Variants in NTM observed in about 807,000 individuals in gnomAD.
NTM encodes the protein neurotrimin.
In NTM, 13 loss-of-function variants were observed where a neutral mutation model predicts 42.1. The ratio of observed to expected loss-of-function variants is 0.31; its 90% CI spans 0.20 to 0.49. The LOEUF (loss-of-function observed/expected upper bound fraction) is 0.49. Ranked by LOEUF, NTM falls within the 20% of genes least tolerant of loss-of-function variation. The probability of loss-of-function intolerance (pLI) is 0.99; values close to 1 mark genes in which losing one functional copy is unlikely to be tolerated. For synonymous variants in NTM, 187 were observed against 179.2 expected, an observed-to-expected ratio of 1.04 and a Z score of -0.35; for missense variants, 373 against 452.8, an observed-to-expected ratio of 0.82 and a Z score of 1.60.
intron 1 of NTM, among the ~76,000 whole-genome samples, chr11:131,787,753 G>A (rs914691446): frequency 1.3e-5 from 2 of 152,108 alleles, no homozygotes; most frequent in Admixed American, 1.3e-4. Context: ...AAATATTATA[G>A]GAATTTAAAG....
At chr11:132,279,838 G>C (rs1046912058) in intron 4 of NTM, among the ~76,000 whole-genome samples, 6 of 152,208 alleles carry the variant, frequency 3.9e-5, no homozygotes, top group Admixed American at 2.6e-4. Context: ...TCCATATAAA[G>C]ATTCACATCG....
intron 4 of NTM, among the ~76,000 whole-genome samples, chr11:132,227,098 C>T (rs886291625): frequency 5.3e-5 from 8 of 152,254 alleles, no homozygotes; most frequent in Admixed American, 4.6e-4. Context: ...CCACATGCAG[C>T]GTGAAGGCAG....
intron 3 of NTM, among the ~76,000 whole-genome samples, chr11:132,169,631 G>T (rs1736430045): frequency 6.6e-6 from 1 of 151,970 alleles, no homozygotes; most frequent in South Asian, 2.1e-4. Flanking sequence ...ACTGTGCCGG[G>T]CCAATTTTTT....
intron 2 of NTM, among the ~76,000 whole-genome samples, chr11:131,997,304 G>T (rs2068240051): frequency 6.6e-6 from 1 of 152,162 alleles, no homozygotes; most frequent in Non-Finnish European, 1.5e-5. Flanking sequence ...GCTAGGAATG[G>T]CCATACTGCA....
intron 1 of NTM, among the ~76,000 whole-genome samples, chr11:131,642,415 A>G (rs1213099169): frequency 6.6e-6 from 1 of 152,226 alleles, no homozygotes; most frequent in Non-Finnish European, 1.5e-5. Flanking sequence ...AACAGATGAA[A>G]CAATATAAAA....
At chr11:131,549,985 G>A (rs1162617591) in intron 1 of NTM, among the ~76,000 whole-genome samples, 3 of 152,140 alleles carry the variant, frequency 2.0e-5, no homozygotes, top group Non-Finnish European at 2.9e-5. Flanking sequence ...CCTGCAGGGC[G>A]GACTCAGGCA....
intron 2 of NTM, among the ~76,000 whole-genome samples, chr11:132,083,410 T>G (rs765674612): frequency 6.6e-6 from 1 of 152,252 alleles, no homozygotes; most frequent in Non-Finnish European, 1.5e-5. Context: ...TTACATAGGC[T>G]TTTAAAATTG....
chr11:131,997,254 C>T (rs954805373), intron 2 of NTM, among the ~76,000 whole-genome samples: 10 of 152,208 alleles, frequency 6.6e-5, no homozygotes, highest in African/African-American at 2.2e-4. Context: ...CCCAGCCTCT[C>T]GCCCTGCCTG....
intron 2 of NTM, among the ~76,000 whole-genome samples, chr11:131,975,469 C>T (rs1435553102): frequency 1.3e-5 from 2 of 152,222 alleles, no homozygotes; most frequent in South Asian, 2.1e-4. Flanking sequence ...TGAGCCACTG[C>T]GCCTGGCCGA....
intron 6 of NTM, among the ~76,000 whole-genome samples, chr11:132,313,985 T>C (rs2095354284): frequency 6.6e-6 from 1 of 152,130 alleles, no homozygotes; most frequent in Admixed American, 6.5e-5. Flanking sequence ...ATGAGAAAAA[T>C]GAGAAAATGA....
intron 4 of NTM, among the ~76,000 whole-genome samples, chr11:132,228,881 G>A (rs2086868882): frequency 6.6e-6 from 1 of 152,140 alleles, no homozygotes; most frequent in Non-Finnish European, 1.5e-5. Context: ...ATGGTTATCA[G>A]GACCTCTTGA....
chr11:132,329,806 T>G (rs2095762508), intron 7 of NTM, among the ~76,000 whole-genome samples: 1 of 152,200 alleles, frequency 6.6e-6, no homozygotes, highest in African/African-American at 2.4e-5. Flanking sequence ...CAAAGCCTAT[T>G]TGGTTTGGTG....
At chr11:132,124,384 C>T (rs1253466461) in intron 2 of NTM, among the ~76,000 whole-genome samples, 1 of 152,208 alleles carries the variant, frequency 6.6e-6, no homozygotes, top group African/African-American at 2.4e-5. Flanking sequence ...ACACAGGTCC[C>T]AGCACAGTGC....
intron 1 of NTM, chr11:131,777,209 A>T (rs1241620898): frequency 4.0e-6 from 1 of 249,410 alleles, no homozygotes; most frequent in Admixed American, 6.5e-5. Flanking sequence ...CCTGAGCTAG[A>T]CACCTTGGTT....
chr11:131,766,145 C>T (rs891743254), intron 1 of NTM, among the ~76,000 whole-genome samples: 1 of 152,204 alleles, frequency 6.6e-6, no homozygotes, highest in Admixed American at 6.5e-5. Flanking sequence ...AGACGGCAGC[C>T]AGCTGTTTCT....
At chr11:131,742,468 A>G (rs2081313477) in intron 1 of NTM, among the ~76,000 whole-genome samples, 1 of 152,148 alleles carries the variant, frequency 6.6e-6, no homozygotes. Flanking sequence ...ACCAATACAG[A>G]TAAAAAGCAT....
intron 2 of NTM, among the ~76,000 whole-genome samples, chr11:132,116,059 C>G (rs1214129895): frequency 1.3e-5 from 2 of 152,200 alleles, no homozygotes; most frequent in African/African-American, 4.8e-5. Context: ...CTCCTTTCTC[C>G]CAGTTCCCTG....
chr11:131,873,696 C>CATAT (rs376831306), intron 1 of NTM, among the ~76,000 whole-genome samples: 6 of 124,512 alleles, frequency 4.8e-5, no homozygotes, highest in South Asian at 2.3e-4. Context: ...TATATACACA[C>CATAT]ATATATATAT....
chr11:131,467,801 A>G (rs1952034635), intron 1 of NTM, among the ~76,000 whole-genome samples: 2 of 152,220 alleles, frequency 1.3e-5, no homozygotes, highest in African/African-American at 4.8e-5. Context: ...AGACAGGCTA[A>G]AAGCCACAGG....
Sources: gnomAD v4.1 joint callset for allele counts (sites outside exome capture counted in the v4.1 genomes callset) on GRCh38, gnomAD v4.1.1 for gene constraint, MANE v1.5 for transcripts, NCBI Gene and HGNC (gene_info 2026-07-23, HGNC 2026-07-21) for gene names.